Variants in TYRO3 observed in about 807,000 individuals in gnomAD.
The protein encoded by TYRO3 is TYRO3 protein tyrosine kinase, also known as tyrosine-protein kinase receptor TYRO3.
In TYRO3, 38 loss-of-function variants were observed where a neutral mutation model predicts 95.2. The ratio of observed to expected loss-of-function variants is 0.40; its 90% CI spans 0.31 to 0.52. The LOEUF is 0.52. Ranked by LOEUF, TYRO3 falls within the 20% of genes least tolerant of loss-of-function variation. The pLI, the probability that TYRO3 is intolerant of heterozygous loss-of-function variation, is 0.56. For synonymous variants in TYRO3, 367 were observed against 432.9 expected (o/e 0.85, Z 1.89); for missense variants, 812 against 1,116.4 (o/e 0.73, Z 3.89).
At position 41,580,858 on chromosome 15, in the gene TYRO3, C is replaced by T. The variant is rs1249964793; in HGVS notation, c.*2582C>T. On this transcript the variant is annotated 3_prime_UTR_variant, in exon 19 of 19. Coordinates refer to ENST00000263798, the MANE Select transcript of TYRO3 (RefSeq NM_006293.4). ...TGTTGGCCAGGCTGGTCTCGAACTC[C>T]TGATTTCAAGTGATCTGCCTGCCTT... 2.0e-5 allele frequency: 3 copies of T among 152,160 alleles called. No homozygotes were observed. Among genetic ancestry groups the T allele is most frequent in the Admixed American group, 2.0e-4 (3 of 15,282 alleles). The allele number at this position is 152,160 out of a possible 1,614,324, so 9.4% of individuals were successfully genotyped here.
intron 18 of TYRO3, among the ~76,000 whole-genome samples, chr15:41,575,459 C>G (rs1017929918): frequency 5.3e-5 from 8 of 152,364 alleles, no homozygotes; most frequent in African/African-American, 1.9e-4. Context: ...TGGCCTCACC[C>G]AGGCAGCCTG....
rs77488692 is a variant in TYRO3 at position 41,562,106 on chromosome 15, C to G, written c.410-442C>G. The G allele has an allele frequency of 3.6e-3, 644 of 178,362 alleles. 5 individuals are homozygous for G. The highest frequency in any genetic ancestry group is 0.013 in the African/African-American group (554 of 41,848). The allele number at this position is 178,362 out of a possible 1,614,324, so 11.0% of individuals were successfully genotyped here. A position where few individuals can be genotyped will look rare whatever the true frequency, so the allele number is the denominator to read the frequency against. ...ACCCACTCCCCTGAGTTTTATGCCCCTCTCCCAGCTCTCCACCCCCAGTCT... is the reference window on the plus strand; with the variant it reads ...ACCCACTCCCCTGAGTTTTATGCCCGTCTCCCAGCTCTCCACCCCCAGTCT... On this transcript the variant is annotated intron_variant, in intron 3 of 18. Coordinates refer to ENST00000263798, the MANE Select transcript of TYRO3 (RefSeq NM_006293.4).
At chr15:41,561,037 C>A in intron 1 of TYRO3, 90 bp from the exon 2 acceptor site, 1 of 1,390,836 alleles carries the variant, frequency 7.2e-7, no homozygotes, top group Non-Finnish European at 9.9e-7. Flanking sequence ...CTCTGTCTGA[C>A]ACAGAAGCTA....
Position 41,567,366 on chromosome 15 carries a change from C to T in TYRO3, c.790C>T (p.Gln264Ter). 3.2e-6 allele frequency: 5 copies of T among 1,548,488 alleles called. No homozygotes were observed. The highest frequency in any genetic ancestry group is 4.3e-6 in the Non-Finnish European group (5 of 1,155,868). Residue 264 changes from glutamine (Q) to a stop codon, truncating the protein, a stop_gained, in exon 7 of 19, where the codon CAG (glutamine) becomes TAG (stop). Transcript: ENST00000263798. LOFTEE classifies it high-confidence loss of function. ...GTTTTCTGCTTTTCTGTAGGTGACA[C>T]AGGCCCCAGGAGGCTGGGAAGTCCT... ...LLQSCTVQVTQAPGGWEVLAV... is the reference protein window; with the variant it reads ...LLQSCTVQVT
intron 3 of TYRO3, 115 bp from the exon 4 acceptor site, chr15:41,562,423 CCTAATCATAA>C: frequency 1.1e-6 from 1 of 946,110 alleles, no homozygotes; most frequent in Non-Finnish European, 1.6e-6. Context: ...CTGCTGTTGA[CCTAATCATAA>C]GGGGCCTGTG....
At chr15:41,560,424 T>TGC (rs1479131710) in intron 1 of TYRO3, among the ~76,000 whole-genome samples, 24 of 140,856 alleles carry the variant, frequency 1.7e-4, no homozygotes, top group Admixed American at 2.7e-4. Context: ...TGTGTGTGTG[T>TGC]GTGTGCGCGC....
intron 16 of TYRO3, 28 bp downstream of exon 16, chr15:41,573,139 G>C: frequency 2.5e-6 from 4 of 1,608,580 alleles, no homozygotes; most frequent in Non-Finnish European, 3.4e-6. Flanking sequence ...CTCGAGGGTG[G>C]GAGACAGCAG....
At position 41,576,597 on chromosome 15, in the gene TYRO3, G is replaced by A. The variant is rs537168339; in HGVS notation, c.2283-1289G>A. On this transcript the variant is annotated intron_variant, in intron 18 of 18. Coordinates refer to ENST00000263798, the MANE Select transcript of TYRO3 (RefSeq NM_006293.4). ...ACCTGCTTCGGCCTCCCAAAGTGCT[G>A]GGATTACAGGCATGAGCTACTGCAC... Among the ~76,000 whole-genome samples, 3 of 150,874 alleles carry A rather than the reference G, an allele frequency of 2.0e-5. No homozygotes were observed. The South Asian group carries it at 6.3e-4, about 32-fold the overall frequency.
chr15:41,564,828 G>A, intron 5 of TYRO3, 198 bp from the exon 6 acceptor site: 1 of 574,994 alleles, frequency 1.7e-6, no homozygotes, highest in Non-Finnish European at 3.2e-6. Flanking sequence ...CCACAGCCCA[G>A]GCACTCTCCC....
Position 41,568,883 on chromosome 15 carries a change from G to A in TYRO3, c.1113G>A (p.Glu371=), listed in dbSNP as rs1409915154. 1 of 1,611,834 alleles carries A rather than the reference G, an allele frequency of 6.2e-7. No homozygotes were observed. Among genetic ancestry groups the A allele is most frequent in the Non-Finnish European group, 8.5e-7 (1 of 1,179,802 alleles). Residue 371 remains glutamate, a synonymous_variant, in exon 9 of 19, where the codon GAG becomes GAA. Coordinates refer to ENST00000263798, the MANE Select transcript of TYRO3 (RefSeq NM_006293.4). Reference sequence around the variant, plus strand: ...GGGGCTTTTCCTGGCTGCAGGATGAGCTGACAGTGGAGGGGACCAGGGCCA... The same window carrying A: ...GGGGCTTTTCCTGGCTGCAGGATGAACTGACAGTGGAGGGGACCAGGGCCA... ...SWVQDNGTQD[E]LTVEGTRANL...
At chr15:41,571,839 G>T in intron 14 of TYRO3, 152 bp downstream of exon 14, 1 of 591,304 alleles carries the variant, frequency 1.7e-6, no homozygotes, top group South Asian at 2.0e-5. Context: ...GAAATCTGAG[G>T]TGAGGAGTGC....
intron 14 of TYRO3, 132 bp from the exon 15 acceptor site, chr15:41,572,311 G>A (rs2055806443): frequency 7.6e-7 from 1 of 1,315,908 alleles, no homozygotes; most frequent in African/African-American, 1.5e-5. Context: ...CCAGTGTGGA[G>A]CCTGTGAAAA....
chr15:41,568,808 T>A (rs2055757490), intron 8 of TYRO3, 70 bp from the exon 9 acceptor site: 2 of 1,547,126 alleles, frequency 1.3e-6, no homozygotes, highest in African/African-American at 2.7e-5. Flanking sequence ...GACCTTTTTC[T>A]GTCCTCAGGC....
chr15:41,559,693 A>G (rs1316591735), intron 1 of TYRO3, among the ~76,000 whole-genome samples: 4 of 151,968 alleles, frequency 2.6e-5, no homozygotes, highest in African/African-American at 9.7e-5. Flanking sequence ...CCCAGCTGTT[A>G]GCTCCCTCCT....
At chr15:41,569,956 C>A (rs1263802137) in intron 9 of TYRO3, 71 bp from the exon 10 acceptor site, 1 of 1,551,296 alleles carries the variant, frequency 6.4e-7, no homozygotes, top group African/African-American at 1.4e-5. Context: ...GCTGGATGGC[C>A]ATCCTGGGAA....
intron 1 of TYRO3, among the ~76,000 whole-genome samples, chr15:41,560,445 G>T (rs949481942): frequency 2.0e-5 from 3 of 149,638 alleles, no homozygotes; most frequent in Non-Finnish European, 4.5e-5. Context: ...GCGCGCGCGC[G>T]CTCGCACGCA....
In TYRO3 at chr15:41,570,107, G is replaced by A; in HGVS notation, c.1333G>A (p.Ala445Thr). The A allele has an allele frequency of 6.2e-7, 1 of 1,614,174 alleles. No individual in the cohort carries two copies. Among genetic ancestry groups the A allele is most frequent in the Non-Finnish European group, 8.5e-7 (1 of 1,180,010 alleles). Residue 445 changes from alanine (A) to threonine (T), a missense_variant, in exon 10 of 19, where the codon GCC becomes ACC. Ala to Thr is a moderately conservative substitution (Grantham distance 58, BLOSUM62 0). Coordinates refer to ENST00000263798, the MANE Select transcript of TYRO3 (RefSeq NM_006293.4). The part of the protein sequence containing the change: ...GVLTALVTAA[A>T]LALILLRKRR... ...GCTAACGGCCCTGGTGACGGCTGCTGCCCTGGCCCTCATCCTGCTTCGAAA... is the reference window on the plus strand; with the variant it reads ...GCTAACGGCCCTGGTGACGGCTGCTACCCTGGCCCTCATCCTGCTTCGAAA...
chr15:41,570,210 G>A lies in TYRO3; in HGVS notation c.1383-30G>A, dbSNP rs201988251. On this transcript the variant is annotated intron_variant, in intron 10 of 18. Transcript: ENST00000263798. ...GCAGGTAATGATGAAAGACCTTGGA[G>A]CTGACCCCAAATCCTGGGTTTTCCT... The A allele has an allele frequency of 1.8e-3, 1,773 of 989,374 alleles. 1 individual carries two copies. Among genetic ancestry groups the A allele is most frequent in the Non-Finnish European group, 2.5e-3 (1,643 of 653,368 alleles). 61.3% of individuals were successfully genotyped at this position (989,374 alleles called of 1,614,324 possible).
rs141437157 is a variant in TYRO3 at position 41,578,022 on chromosome 15, A to G, written c.2419A>G (p.Ile807Val). ...SASQDPLYINIERAEEPTAGG... is the reference protein window; with the variant it reads ...SASQDPLYINVERAEEPTAGG... ...CAGCCAGGACCCCTTATACATCAACATCGAGAGAGCTGAGGAGCCCACTGC... is the reference window on the plus strand; with the variant it reads ...CAGCCAGGACCCCTTATACATCAACGTCGAGAGAGCTGAGGAGCCCACTGC... The change falls in exon 19 of 19, where the codon ATC becomes GTC. Residue 807 changes from isoleucine to valine, a missense_variant. Ile to Val is a conservative substitution (Grantham distance 29). Coordinates refer to ENST00000263798, the MANE Select transcript of TYRO3 (RefSeq NM_006293.4). 6.2e-7 allele frequency: 1 copy of G among 1,614,094 alleles called. No individual in the cohort carries two copies.
Sources: gnomAD v4.1 joint callset for allele counts (sites outside exome capture counted in the v4.1 genomes callset) on GRCh38, gnomAD v4.1.1 for gene constraint, MANE v1.5 for transcripts, NCBI Gene and HGNC (gene_info 2026-07-23, HGNC 2026-07-21) for gene names.